MEX3C: variants seen among roughly 807,000 people sequenced by gnomAD.
MEX3C encodes the protein mex-3 RNA binding family member C.
In MEX3C, 15 loss-of-function variants were observed where a neutral mutation model predicts 35.5. That is an observed-to-expected ratio of 0.42 (90% CI 0.28 to 0.65). The LOEUF is 0.65. Ranked by LOEUF, MEX3C falls within the 30% of genes least tolerant of loss-of-function variation. The pLI, the probability that MEX3C is intolerant of heterozygous loss-of-function variation, is 0.20. For synonymous variants in MEX3C, 390 were observed against 352.8 expected (o/e 1.11, Z -1.18); for missense variants, 711 against 842.8 (o/e 0.84, Z 1.94).
At chr18:51,189,285 C>T (rs1202991150) in intron 1 of MEX3C, among the ~76,000 whole-genome samples, 3 of 152,128 alleles carry the variant, frequency 2.0e-5, no homozygotes, top group Non-Finnish European at 2.9e-5. Flanking sequence ...ACTTTTACCT[C>T]ATTTTAGGGA....
In MEX3C at chr18:51,196,702, G is replaced by C. The variant is rs916614296; in HGVS notation, c.619C>G (p.Pro207Ala). 6.5e-7 allele frequency: 1 copy of C among 1,540,096 alleles called. No homozygotes were observed. The highest frequency in any genetic ancestry group is 2.0e-5 in the Admixed American group (1 of 51,048). Residue 207 changes from proline to alanine, a missense_variant, in exon 1 of 2, where the codon CCC (proline) becomes GCC (alanine). By Grantham distance (27) the Pro-to-Ala change is conservative (BLOSUM62 -1). Transcript: ENST00000406189. ...MAAMLSHAYGPGGCGAAAAAL... is the reference protein window; with the variant it reads ...MAAMLSHAYGAGGCGAAAAAL... ...GCCGCCGCCGCCCCACAACCGCCGG[G>C]GCCGTAGGCGTGGGACAGCATCGCC... is the stretch of plus-strand genomic sequence containing the variant.
Position 51,175,204 on chromosome 18 carries a change from T to C in MEX3C, c.*1147A>G, listed in dbSNP as rs1912272669. 1 of 152,530 alleles carries C rather than the reference T, an allele frequency of 6.6e-6. No homozygotes were observed. Among genetic ancestry groups the C allele is most frequent in the African/African-American group, 2.4e-5 (1 of 41,412 alleles). The allele number at this position is 152,530 out of a possible 1,614,324, so 9.4% of individuals were successfully genotyped here. A position where few individuals can be genotyped will look rare whatever the true frequency, so the allele number is the denominator to read the frequency against. ...GTTGGGAAAATAATGCTTCAAAAAA[T>C]AATTAGTAGAAAAACCCACTAGTAT... On this transcript the variant is annotated 3_prime_UTR_variant, in exon 2 of 2. Coordinates refer to ENST00000406189, the MANE Select transcript of MEX3C (RefSeq NM_016626.5).
At position 51,176,616 on chromosome 18, in the gene MEX3C, C is replaced by T. The variant is rs1406845082; in HGVS notation, c.1715G>A (p.Gly572Asp). The stretch of plus-strand genomic sequence containing the variant: ...AAAAGCAGGGATATATATTGGAAGG[C>T]CAACATGGTTGCCTGTACTAGGTGG... ...SDPPSTGNHVGLPIYIPAFSN... is the reference protein window; with the variant it reads ...SDPPSTGNHVDLPIYIPAFSN... Residue 572 changes from glycine (G) to aspartate (D), a missense_variant, in exon 2 of 2, where the codon GGC becomes GAC. Physicochemically the swap from Gly to Asp is moderately conservative, Grantham distance 94. Around this residue, in one of 4 missense-constraint regions of MEX3C, gnomAD observed 87 missense variants for 150.4 expected, o/e 0.58. Coordinates refer to ENST00000406189, the MANE Select transcript of MEX3C (RefSeq NM_016626.5). The T allele has an allele frequency of 2.0e-5, 32 of 1,613,826 alleles. No homozygotes were observed. Among genetic ancestry groups the T allele is most frequent in the Admixed American group, 5.0e-5 (3 of 59,986 alleles).
At chr18:51,186,208 T>G (rs1341404325) in intron 1 of MEX3C, among the ~76,000 whole-genome samples, 1 of 152,168 alleles carries the variant, frequency 6.6e-6, no homozygotes, top group Non-Finnish European at 1.5e-5. Flanking sequence ...TGAACCAGCA[T>G]CATTTCTGCT....
At chr18:51,185,519 TGAG>T (rs1912518053) in intron 1 of MEX3C, among the ~76,000 whole-genome samples, 1 of 152,190 alleles carries the variant, frequency 6.6e-6, no homozygotes, top group Non-Finnish European at 1.5e-5. Context: ...TTTTGCCAAA[TGAG>T]GTGACATATT....
At position 51,177,270 on chromosome 18, in the gene MEX3C, T is replaced by C; in HGVS notation, c.1061A>G (p.Gln354Arg). 1 of 1,614,054 alleles carries C rather than the reference T, an allele frequency of 6.2e-7. No homozygotes were observed. Among genetic ancestry groups the C allele is most frequent in the Non-Finnish European group, 8.5e-7 (1 of 1,179,910 alleles). The change falls in exon 2 of 2, where the codon CAG becomes CGG. Residue 354 changes from glutamine to arginine, a missense_variant. By Grantham distance (43) the Gln-to-Arg change is conservative. Transcript: ENST00000406189. This position sits in a 1 kb window ranked among gnomAD's most constrained non-coding sequence, Gnocchi z 4.2. ...AGTTACTATGTAGGTGTGGGTCTGC[T>C]GCTGAATTCTTTTAATAGTTGCTCC... ...PKGATIKRIQ[Q>R]QTHTYIVTPS... is the part of the protein sequence containing the mutation.
chr18:51,186,550 A>G (rs796212010), intron 1 of MEX3C, among the ~76,000 whole-genome samples: 16 of 152,332 alleles, frequency 1.1e-4, no homozygotes, highest in African/African-American at 3.8e-4. Flanking sequence ...GAAGTCTCTG[A>G]TGTCAGGCAA....
rs1912314067 is a variant in MEX3C at position 51,176,742 on chromosome 18, A to G, written c.1589T>C (p.Met530Thr). The G allele has an allele frequency of 6.2e-7, 1 of 1,613,928 alleles. No individual in the cohort carries two copies. Among genetic ancestry groups the G allele is most frequent in the Non-Finnish European group, 8.5e-7 (1 of 1,179,912 alleles). Residue 530 changes from methionine to threonine, a missense_variant, in exon 2 of 2, where the codon ATG becomes ACG. Transcript: ENST00000406189. ...CTGACTTCCTCTGCGCTGAGTCTTC[A>G]TGTTACCAGAAGGATCACTCCCAAA... ...SGFGSDPSGNMKTQRRGSQPS... is the reference protein window; with the variant it reads ...SGFGSDPSGNTKTQRRGSQPS...
chr18:51,187,427 C>T (rs1023992470), intron 1 of MEX3C, among the ~76,000 whole-genome samples: 12 of 152,128 alleles, frequency 7.9e-5, no homozygotes, highest in South Asian at 2.1e-4. Flanking sequence ...GCTGTTTCAA[C>T]GTTAGGGCAA....
At chr18:51,183,042 C>T (rs1449804310) in intron 1 of MEX3C, among the ~76,000 whole-genome samples, 2 of 152,088 alleles carry the variant, frequency 1.3e-5, no homozygotes, top group Admixed American at 1.3e-4. Context: ...GGGAGTGTGG[C>T]ATTATTGAGA....
chr18:51,189,757 G>C (rs368641649), intron 1 of MEX3C, among the ~76,000 whole-genome samples: 1 of 152,056 alleles, frequency 6.6e-6, no homozygotes, highest in East Asian at 1.9e-4. Context: ...ATCTGTCTGG[G>C]TACCATACAA....
chr18:51,177,600 A>G lies in MEX3C; in HGVS notation c.755-24T>C, dbSNP rs1426585920. The G allele has an allele frequency of 7.7e-6, 12 of 1,556,882 alleles. No homozygotes were observed. The highest frequency in any genetic ancestry group is 1.7e-4 in the Middle Eastern group (1 of 5,798). The stretch of plus-strand genomic sequence containing the variant: ...ACCTGTTAGAAAGAAAACATTTCAT[A>G]AGAATCAACATCTACTTCAATGATA... On this transcript the variant is annotated intron_variant, in intron 1 of 1. Coordinates refer to ENST00000406189, the MANE Select transcript of MEX3C (RefSeq NM_016626.5). The surrounding 1 kb of genome is among the most constrained non-coding windows in gnomAD (Gnocchi z 4.2).
Position 51,182,598 on chromosome 18 carries a change from C to G in MEX3C, c.755-5022G>C, listed in dbSNP as rs138450417. 9.3e-4 allele frequency among the ~76,000 whole-genome samples: 142 copies of G among 152,208 alleles called. 2 individuals carry two copies. The East Asian group carries it at 0.025, about 26-fold the overall frequency. On this transcript the variant is annotated intron_variant, in intron 1 of 1. Coordinates refer to ENST00000406189, the MANE Select transcript of MEX3C (RefSeq NM_016626.5). ...CACTGTTGCTGGGGCTATGTTTCAC[C>G]TTAAAACCCTTTAGCTGCAGCTAGA...
At position 51,192,196 on chromosome 18, in the gene MEX3C, G is replaced by C. The variant is rs149336026; in HGVS notation, c.754+4371C>G. Among the ~76,000 whole-genome samples, 527 of 151,990 alleles carry C rather than the reference G, an allele frequency of 3.5e-3. 2 individuals carry two copies. The highest frequency in any genetic ancestry group is 8.9e-3 in the African/African-American group (368 of 41,468). ...ATTTTCAGGTTGTTGGTAACCAAGG[G>C]GTACAAAATACACCCTTGAATTACC... On this transcript the variant is annotated intron_variant, in intron 1 of 1. Transcript: ENST00000406189.
chr18:51,184,269 G>C (rs1356875185), intron 1 of MEX3C, among the ~76,000 whole-genome samples: 2 of 152,182 alleles, frequency 1.3e-5, no homozygotes, highest in Non-Finnish European at 2.9e-5. Flanking sequence ...ATGAGCCGCA[G>C]ATAAGCACTG....
intron 1 of MEX3C, among the ~76,000 whole-genome samples, chr18:51,186,596 G>A (rs1912544171): frequency 6.6e-6 from 1 of 152,134 alleles, no homozygotes; most frequent in African/African-American, 2.4e-5. Context: ...AGAAAAAACT[G>A]GAGATAGACA....
chr18:51,185,382 C>G (rs1375876679), intron 1 of MEX3C, among the ~76,000 whole-genome samples: 1 of 152,126 alleles, frequency 6.6e-6, no homozygotes, highest in Non-Finnish European at 1.5e-5. Context: ...TCAGACCCAA[C>G]TGGGAAAGGT....
chr18:51,179,634 G>C (rs570792185), intron 1 of MEX3C, among the ~76,000 whole-genome samples: 3 of 152,106 alleles, frequency 2.0e-5, no homozygotes, highest in Non-Finnish European at 4.4e-5. Context: ...TTTCGGATTA[G>C]AAGTGTTCAG....
chr18:51,185,708 G>C (rs1912522006), intron 1 of MEX3C, among the ~76,000 whole-genome samples: 1 of 152,108 alleles, frequency 6.6e-6, no homozygotes, highest in Non-Finnish European at 1.5e-5. Context: ...ACATAAGGTA[G>C]GGTCAGGAAA....
Sources: gnomAD v4.1 joint callset for allele counts (sites outside exome capture counted in the v4.1 genomes callset) on GRCh38, gnomAD v4.1.1 for gene constraint, gnomAD v4.1.1 regional missense constraint, Gnocchi (gnomAD v3.1) non-coding constraint, MANE v1.5 for transcripts, NCBI Gene and HGNC (gene_info 2026-07-23, HGNC 2026-07-21) for gene names.